The following VIRMA variants were observed in gnomAD, a reference collection of about 807,000 sequenced individuals.
The protein encoded by VIRMA is vir like m6A methyltransferase associated, also known as protein virilizer homolog.
Under a neutral mutation model 182.4 loss-of-function variants are expected in VIRMA, and 65 were observed. That is an observed-to-expected ratio of 0.36 (90% CI 0.29 to 0.44). The LOEUF is 0.44. Among genes scored for constraint, VIRMA ranks in the 20% least tolerant of loss-of-function variants. The pLI is 1.00. For synonymous variants in VIRMA, 709 were observed against 743.1 expected (o/e 0.95, Z 0.75); for missense variants, 1,752 against 2,158.1 (o/e 0.81, Z 3.73).
chr8:94,499,161 C>T (rs73274027), intron 17 of VIRMA: 121 of 344,070 alleles, frequency 3.5e-4, no homozygotes, highest in African/African-American at 2.1e-3. Flanking sequence ...ATTTAACTTA[C>T]GGCAAAGTAT....
At chr8:94,549,644 T>A (rs1815900769) in intron 1 of VIRMA, among the ~76,000 whole-genome samples, 1 of 152,196 alleles carries the variant, frequency 6.6e-6, no homozygotes, top group African/African-American at 2.4e-5. Flanking sequence ...CTTGTATAAA[T>A]CCTCTCCTAC....
chr8:94,489,818 G>T, intron 23 of VIRMA, 121 bp downstream of exon 23: 1 of 1,071,980 alleles, frequency 9.3e-7, no homozygotes. Flanking sequence ...ATTTTTGACT[G>T]TGTGGAGCAA....
In VIRMA at chr8:94,488,180, A is replaced by G. The variant is rs1364393984; in HGVS notation, c.*526T>C. On this transcript the variant is annotated 3_prime_UTR_variant, in exon 24 of 24. Transcript: ENST00000297591. ...CATATCTTTACAAAACTGGGTTTTCAGCAGTTTGATAAAAAGTACTGTGCA... is the reference window on the plus strand; with the variant it reads ...CATATCTTTACAAAACTGGGTTTTCGGCAGTTTGATAAAAAGTACTGTGCA... 6.6e-6 allele frequency: 1 copy of G among 152,348 alleles called. No individual in the cohort carries two copies. The highest frequency in any genetic ancestry group is 2.4e-5 in the African/African-American group (1 of 41,460). The allele number at this position is 152,348 out of a possible 1,614,324, so 9.4% of individuals were successfully genotyped here.
intron 16 of VIRMA, among the ~76,000 whole-genome samples, chr8:94,504,569 C>T (rs969708708): frequency 6.6e-6 from 1 of 151,958 alleles, no homozygotes; most frequent in African/African-American, 2.4e-5. Context: ...AGCAGAAATC[C>T]GGTTTTAAGT....
Position 94,530,975 on chromosome 8 carries a change from C to G in VIRMA, c.595G>C (p.Val199Leu). The G allele has an allele frequency of 1.2e-6, 2 of 1,603,538 alleles. No homozygotes were observed. Among genetic ancestry groups the G allele is most frequent in the Non-Finnish European group, 1.7e-6 (2 of 1,175,514 alleles). Residue 199 changes from valine to leucine, a missense_variant, in exon 6 of 24, where the codon GTG becomes CTG. Val to Leu is a conservative substitution (Grantham distance 32, BLOSUM62 1). Transcript: ENST00000297591. ...GTTTTATTTATACCTGGCAGAGGCA[C>G]AGGATCATCTTCATCATCATCAGGT... Reference protein sequence around the residue: ...PPPDDDEDDPVPLPVSGDKEE... With the variant: ...PPPDDDEDDPLPLPVSGDKEE...
At chr8:94,540,650 C>T (rs1470290652) in intron 2 of VIRMA, among the ~76,000 whole-genome samples, 3 of 151,538 alleles carry the variant, frequency 2.0e-5, no homozygotes, top group South Asian at 2.1e-4. Flanking sequence ...TTAGTAGAGG[C>T]GGGGTTTCAC....
intron 1 of VIRMA, 77 bp downstream of exon 1, chr8:94,553,308 G>A (rs556158568): frequency 4.3e-6 from 6 of 1,402,128 alleles, no homozygotes; most frequent in Non-Finnish European, 6.1e-6. Flanking sequence ...AGAAGGAAAA[G>A]TGGAGAACGC....
intron 16 of VIRMA, among the ~76,000 whole-genome samples, chr8:94,502,025 A>G (rs112034811): frequency 0.15 from 22,428 of 152,086 alleles, 2,074 homozygotes; most frequent in South Asian, 0.3. Flanking sequence ...CTTTCAGTGG[A>G]GTATTGAGGT....
At chr8:94,492,411 G>A (rs553338392) in intron 21 of VIRMA, among the ~76,000 whole-genome samples, 1 of 151,262 alleles carries the variant, frequency 6.6e-6, no homozygotes, top group Admixed American at 6.6e-5. Context: ...AGCCTCCCGA[G>A]TAGCTGGGAC....
Position 94,535,022 on chromosome 8 carries a change from G to A in VIRMA, c.316-15C>T, listed in dbSNP as rs760476350. On this transcript the variant is annotated splice_polypyrimidine_tract_variant and intron_variant, in intron 4 of 23. Transcript: ENST00000297591. ...TCAGTATTCACCTGATTTTCAGGGA[G>A]GGCAAAAAAAATCTTTCAAAGTCAT... 3 of 1,549,308 alleles carry A rather than the reference G, an allele frequency of 1.9e-6. No individual in the cohort carries two copies. Among genetic ancestry groups the A allele is most frequent in the Non-Finnish European group, 2.6e-6 (3 of 1,152,494 alleles).
At chr8:94,534,041 T>A (rs1225382439) in intron 5 of VIRMA, 1 of 152,218 alleles carries the variant, frequency 6.6e-6, no homozygotes, top group Non-Finnish European at 1.5e-5. Flanking sequence ...GGTCAACTTC[T>A]TACAGTGATT....
In VIRMA at chr8:94,546,900, T is replaced by TG. The variant is rs535153820; in HGVS notation, c.64-2959dup. On this transcript the variant is annotated intron_variant, in intron 1 of 23. Transcript: ENST00000297591. The stretch of plus-strand genomic sequence containing the variant: ...AATTCCTAGGTCTTATAAACAAGAC[T>TG]GGCTTCTTTATTGCTCCAAACTTAT... 3.9e-4 allele frequency: 176 copies of TG among 455,764 alleles called. 1 individual carries two copies. In the East Asian group the frequency reaches 8.0e-3, roughly 21 times the overall value. The allele number at this position is 455,764 out of a possible 1,614,324, so 28.2% of individuals were successfully genotyped here.
At chr8:94,518,346 A>G (rs879852116) in intron 9 of VIRMA, among the ~76,000 whole-genome samples, 2 of 152,126 alleles carry the variant, frequency 1.3e-5, no homozygotes, top group Non-Finnish European at 2.9e-5. Context: ...TCCACTATAA[A>G]CCTGTTAAGA....
intron 23 of VIRMA, 106 bp downstream of exon 23, chr8:94,489,833 A>T: frequency 8.2e-7 from 1 of 1,215,486 alleles, no homozygotes; most frequent in South Asian, 1.5e-5. Flanking sequence ...GAGCAAGGAG[A>T]TGGGGAGATT....
chr8:94,524,681 T>C (rs1814897497), intron 8 of VIRMA, among the ~76,000 whole-genome samples: 1 of 152,216 alleles, frequency 6.6e-6, no homozygotes, highest in African/African-American at 2.4e-5. Flanking sequence ...CCTTAGGTGA[T>C]CCACCCACAT....
intron 10 of VIRMA, among the ~76,000 whole-genome samples, chr8:94,517,397 T>A (rs1814597673): frequency 6.6e-6 from 1 of 152,184 alleles, no homozygotes; most frequent in Non-Finnish European, 1.5e-5. Context: ...GAGATGGAGT[T>A]TCACCTTGTT....
chr8:94,551,215 A>C (rs1399744463), intron 1 of VIRMA, among the ~76,000 whole-genome samples: 1 of 152,124 alleles, frequency 6.6e-6, no homozygotes, highest in Non-Finnish European at 1.5e-5. Flanking sequence ...TAAGCCAAAC[A>C]CCTTGATGAA....
intron 4 of VIRMA, among the ~76,000 whole-genome samples, chr8:94,535,284 G>C (rs1186570390): frequency 2.0e-5 from 3 of 151,968 alleles, no homozygotes; most frequent in Admixed American, 1.3e-4. Flanking sequence ...CCATCCAAGA[G>C]AAAAGAAATG....
In VIRMA at chr8:94,535,071, T is replaced by C. The variant is rs978604669; in HGVS notation, c.316-64A>G. ...ATGTTTTAAAATGCTAGAAGTTAGC[T>C]GATACCAAATTAGATTGTGGTTCAA... On this transcript the variant is annotated intron_variant, in intron 4 of 23. Coordinates refer to ENST00000297591, the MANE Select transcript of VIRMA (RefSeq NM_015496.5). The C allele has an allele frequency of 1.1e-4, 164 of 1,519,794 alleles. 1 individual carries two copies. In the Middle Eastern group the frequency reaches 1.1e-3, roughly 10 times the overall value. 94.1% of individuals were successfully genotyped at this position (1,519,794 alleles called of 1,614,324 possible). A position where few individuals can be genotyped will look rare whatever the true frequency, so the allele number is the denominator to read the frequency against.
Sources: gnomAD v4.1 joint callset for allele counts (sites outside exome capture counted in the v4.1 genomes callset) on GRCh38, gnomAD v4.1.1 for gene constraint, MANE v1.5 for transcripts, NCBI Gene and HGNC (gene_info 2026-07-23, HGNC 2026-07-21) for gene names.